NCAM2: variants seen among roughly 807,000 people sequenced by gnomAD.
NCAM2 encodes N-CAM-2.
NCAM2 carries 30 observed loss-of-function variants against 98.1 expected under a neutral mutation model. The ratio of observed to expected loss-of-function variants is 0.31; its 90% CI spans 0.23 to 0.41. The LOEUF (loss-of-function observed/expected upper bound fraction) is 0.41. NCAM2 is among the 10% of genes least tolerant of loss of function. The pLI is 1.00. For missense variants in NCAM2, 867 were observed against 1,005.8 expected (o/e 0.86, Z 1.87); for synonymous variants, 368 against 342.4 (o/e 1.07, Z -0.83).
chr21:21,472,878 T>C (rs1361033551), intron 14 of NCAM2, among the ~76,000 whole-genome samples: 1 of 151,780 alleles, frequency 6.6e-6, no homozygotes, highest in Non-Finnish European at 1.5e-5. Flanking sequence ...TAGAATCTGT[T>C]ATGATCATGG....
intron 1 of NCAM2, among the ~76,000 whole-genome samples, chr21:21,187,287 G>T (rs1010190446): frequency 2.6e-5 from 4 of 152,082 alleles, no homozygotes; most frequent in Non-Finnish European, 5.9e-5. Flanking sequence ...AATTTGAGTA[G>T]CCACAGCTAA....
intron 15 of NCAM2, among the ~76,000 whole-genome samples, chr21:21,491,974 T>A (rs1015436598): frequency 1.3e-5 from 2 of 151,674 alleles, no homozygotes; most frequent in Admixed American, 6.6e-5. Flanking sequence ...TAGGATGATA[T>A]CAAATGGAGG....
rs559640613 is a variant in NCAM2 at position 21,381,212 on chromosome 21, T to C, written c.1195+7199T>C. 4.6e-5 allele frequency among the ~76,000 whole-genome samples: 7 copies of C among 152,292 alleles called. No homozygotes were observed. In the East Asian group the frequency reaches 1.4e-3, roughly 29 times the overall value. On this transcript the variant is annotated intron_variant, in intron 9 of 17. Coordinates refer to ENST00000400546, the MANE Select transcript of NCAM2 (RefSeq NM_004540.5). ...GTCTCTGCCATATTTTTTTTTCTCT[T>C]GTAAACCATGAAAAATGTAAAGACC...
chr21:21,117,300 G>A (rs1241330440), intron 1 of NCAM2, among the ~76,000 whole-genome samples: 1 of 30,350 alleles, frequency 3.3e-5, no homozygotes, highest in Non-Finnish European at 6.7e-5. Flanking sequence ...ATATAAGTGA[G>A]ATCATACACT....
At chr21:21,043,232 G>A (rs1366913338) in intron 1 of NCAM2, among the ~76,000 whole-genome samples, 1 of 152,040 alleles carries the variant, frequency 6.6e-6, no homozygotes, top group African/African-American at 2.4e-5. Context: ...AGTTTATATA[G>A]GAAATTTAAC....
intron 1 of NCAM2, among the ~76,000 whole-genome samples, chr21:21,214,729 A>ATG (rs2069807931): frequency 2.1e-4 from 16 of 77,784 alleles, no homozygotes; most frequent in Non-Finnish European, 7.0e-5. Flanking sequence ...TTCCATATAT[A>ATG]TATATATATA....
intron 6 of NCAM2, among the ~76,000 whole-genome samples, chr21:21,329,458 T>C (rs1401996424): frequency 2.6e-5 from 4 of 152,190 alleles, no homozygotes; most frequent in Non-Finnish European, 5.9e-5. Context: ...AAGTACACTC[T>C]ATGATGTAAA....
At chr21:21,245,680 A>C (rs73316802) in intron 1 of NCAM2, among the ~76,000 whole-genome samples, 1 of 152,164 alleles carries the variant, frequency 6.6e-6, no homozygotes, top group East Asian at 1.9e-4. Flanking sequence ...TAAACACCAA[A>C]GTTCATAAAC....
At chr21:21,334,483 A>T (rs935515024) in intron 6 of NCAM2, among the ~76,000 whole-genome samples, 1 of 152,124 alleles carries the variant, frequency 6.6e-6, no homozygotes, top group Middle Eastern at 3.2e-3. Flanking sequence ...AGTTTTAATA[A>T]TATTTATAGA....
chr21:21,425,209 G>T (rs148484038), intron 11 of NCAM2, among the ~76,000 whole-genome samples: 53 of 151,646 alleles, frequency 3.5e-4, no homozygotes, highest in African/African-American at 1.3e-3. Context: ...TAAAATGTAC[G>T]TATGTAACTA....
intron 1 of NCAM2, among the ~76,000 whole-genome samples, chr21:21,254,376 A>T (rs1055132710): frequency 3.3e-5 from 5 of 152,074 alleles, no homozygotes; most frequent in Non-Finnish European, 1.5e-5. Context: ...GCTTTTAATC[A>T]CTCATAACCC....
At chr21:21,118,145 G>A (rs193057576) in intron 1 of NCAM2, among the ~76,000 whole-genome samples, 1 of 152,240 alleles carries the variant, frequency 6.6e-6, no homozygotes, top group East Asian at 1.9e-4. Flanking sequence ...TACAGAATAT[G>A]TTCTTCTAAT....
chr21:21,134,532 T>C (rs774014008), intron 1 of NCAM2, among the ~76,000 whole-genome samples: 1 of 152,206 alleles, frequency 6.6e-6, no homozygotes, highest in Non-Finnish European at 1.5e-5. Context: ...ACAGACACTT[T>C]AGTCCTGGAT....
In NCAM2 at chr21:21,126,934, G is replaced by A. The variant is rs566487823; in HGVS notation, c.55+128316G>A. ...AAAGTGACGCTTTTACCTTCTAGGA[G>A]AAAAAGGTAGAAGTTAAAAAAACTG... On this transcript the variant is annotated intron_variant, in intron 1 of 17. Transcript: ENST00000400546. Among the ~76,000 whole-genome samples the A allele has an allele frequency of 5.1e-3, 772 of 151,976 alleles. 9 individuals are homozygous for A. The highest frequency in any genetic ancestry group is 0.018 in the African/African-American group (746 of 41,506).
chr21:21,088,121 A>G (rs1028636961), intron 1 of NCAM2, among the ~76,000 whole-genome samples: 6 of 152,220 alleles, frequency 3.9e-5, no homozygotes, highest in Non-Finnish European at 8.8e-5. Context: ...AATGCTTTAA[A>G]TTTGTGTATA....
intron 9 of NCAM2, among the ~76,000 whole-genome samples, chr21:21,396,142 A>T (rs1156749521): frequency 6.7e-6 from 1 of 149,242 alleles, no homozygotes; most frequent in African/African-American, 2.5e-5. Flanking sequence ...AAGAATCTAC[A>T]AGGAACCCAA....
chr21:21,288,794 A>G (rs561813526), intron 4 of NCAM2, among the ~76,000 whole-genome samples: 1 of 152,066 alleles, frequency 6.6e-6, no homozygotes, highest in South Asian at 2.1e-4. Flanking sequence ...TTATTTTGCC[A>G]TAATCTGATT....
intron 1 of NCAM2, among the ~76,000 whole-genome samples, chr21:21,265,095 A>C (rs2072149239): frequency 2.9e-5 from 2 of 69,804 alleles, no homozygotes; most frequent in African/African-American, 5.6e-5. Context: ...TATATTATAT[A>C]TACATATATA....
At chr21:21,489,463 C>T (rs1986671452) in intron 15 of NCAM2, among the ~76,000 whole-genome samples, 2 of 151,824 alleles carry the variant, frequency 1.3e-5, no homozygotes, top group Non-Finnish European at 2.9e-5. Flanking sequence ...CTCTCTGTCT[C>T]TCTTATGCTT....
Sources: allele counts gnomAD v4.1 joint callset (sites outside exome capture counted in the v4.1 genomes callset), GRCh38; gene constraint gnomAD v4.1.1; transcripts MANE v1.5; gene names NCBI Gene and HGNC (gene_info 2026-07-23, HGNC 2026-07-21).